Variants in FMN2 observed in about 807,000 individuals in gnomAD.
FMN2 encodes the protein formin 2.
A neutral mutation model predicts 142.3 loss-of-function variants in FMN2; 51 were observed. That is an observed-to-expected ratio of 0.36 (90% CI 0.29 to 0.45). The LOEUF (loss-of-function observed/expected upper bound fraction) is 0.45, where lower values mean the gene tolerates loss of function less well. Among genes scored for constraint, FMN2 ranks in the 20% least tolerant of loss-of-function variants. FMN2 has a pLI of 1.00. For missense variants in FMN2, 1,936 were observed against 2,122.8 expected (o/e 0.91, Z 1.73); for synonymous variants, 882 against 869.8 (o/e 1.01, Z -0.25).
rs9726407 is a variant in FMN2 at position 240,433,152 on chromosome 1, T to C, written c.4911-4909T>C. On this transcript the variant is annotated intron_variant, in intron 15 of 17. Transcript: ENST00000319653. ...TTTTGAAACTGTTTCATTAGATGCG[T>C]ATCTTTATGATTGTTATGTCTTCTT... Among the ~76,000 whole-genome samples, 921 of 152,326 alleles carry C rather than the reference T, an allele frequency of 6.0e-3. 4 individuals are homozygous for C. Among genetic ancestry groups the C allele is most frequent in the South Asian group, 0.012 (60 of 4,830 alleles).
intron 15 of FMN2, among the ~76,000 whole-genome samples, chr1:240,399,345 A>G (rs1673894477): frequency 6.6e-6 from 1 of 152,110 alleles, no homozygotes; most frequent in African/African-American, 2.4e-5. Context: ...ACTGGAAAAA[A>G]CAATATAAAA....
intron 8 of FMN2, among the ~76,000 whole-genome samples, chr1:240,328,564 TTTA>T (rs1349612233): frequency 0.014 from 169 of 12,186 alleles, 1 homozygote; most frequent in East Asian, 0.018. Context: ...CTTTATTTTA[TTTA>T]TTTATTTATT....
chr1:240,241,391 G>T (rs1055881317), intron 6 of FMN2, among the ~76,000 whole-genome samples: 3 of 152,016 alleles, frequency 2.0e-5, no homozygotes, highest in Middle Eastern at 3.2e-3. Context: ...AGTTCCCTTG[G>T]TTTTTTGTTA....
At chr1:240,237,817 C>G (rs1202931556) in intron 6 of FMN2, among the ~76,000 whole-genome samples, 1 of 152,164 alleles carries the variant, frequency 6.6e-6, no homozygotes, top group East Asian at 1.9e-4. Context: ...GTTATACATG[C>G]AGAATTCTAG....
At position 240,413,670 on chromosome 1, in the gene FMN2, C is replaced by T. The variant is rs372253830; in HGVS notation, c.4910+21108C>T. 6.6e-4 allele frequency among the ~76,000 whole-genome samples: 100 copies of T among 152,238 alleles called. 1 individual carries two copies. The South Asian group carries it at 0.016, about 25-fold the overall frequency. ...ACATAGAAACTCAGTCAAAGTGCCCCAGTAGCTTACAATGGTGTCTTCTTG... is the reference window on the plus strand; with the variant it reads ...ACATAGAAACTCAGTCAAAGTGCCCTAGTAGCTTACAATGGTGTCTTCTTG... On this transcript the variant is annotated intron_variant, in intron 15 of 17. Transcript: ENST00000319653.
chr1:240,165,156 G>A (rs1336107158), intron 2 of FMN2, among the ~76,000 whole-genome samples: 1 of 152,024 alleles, frequency 6.6e-6, no homozygotes, highest in Non-Finnish European at 1.5e-5. Flanking sequence ...ATTATTTCTA[G>A]TTATCTGTTG....
intron 15 of FMN2, among the ~76,000 whole-genome samples, chr1:240,428,233 CT>C (rs112012945): frequency 0.083 from 11,887 of 142,674 alleles, 1,477 homozygotes; most frequent in African/African-American, 0.27. Context: ...AACATTTCGC[CT>C]TTTTTTTTTT....
At chr1:240,094,591 C>T (rs1204338163) in intron 1 of FMN2, among the ~76,000 whole-genome samples, 1 of 152,162 alleles carries the variant, frequency 6.6e-6, no homozygotes, top group Non-Finnish European at 1.5e-5. Context: ...TACAGGCTTA[C>T]AGGGCCCAAG....
intron 15 of FMN2, among the ~76,000 whole-genome samples, chr1:240,428,488 A>G (rs1361872147): frequency 6.6e-6 from 1 of 152,064 alleles, no homozygotes; most frequent in African/African-American, 2.4e-5. Flanking sequence ...TGGCATCCTT[A>G]AGTGTTGCAA....
At chr1:240,406,981 C>T (rs971372001) in intron 15 of FMN2, among the ~76,000 whole-genome samples, 8 of 152,094 alleles carry the variant, frequency 5.3e-5, no homozygotes, top group African/African-American at 1.9e-4. Context: ...CCTCGAGAAA[C>T]GTTCGTCGTC....
chr1:240,337,258 G>C (rs1671598815), intron 13 of FMN2, among the ~76,000 whole-genome samples: 1 of 141,108 alleles, frequency 7.1e-6, no homozygotes, highest in South Asian at 2.2e-4. Context: ...ACCCAGGCTG[G>C]AGTGCAGTGG....
intron 15 of FMN2, among the ~76,000 whole-genome samples, chr1:240,431,670 T>A (rs1408848222): frequency 6.6e-6 from 1 of 151,496 alleles, no homozygotes; most frequent in Non-Finnish European, 1.5e-5. Context: ...TTTTTCCTTT[T>A]TGTAATAATA....
intron 1 of FMN2, among the ~76,000 whole-genome samples, chr1:240,097,026 G>A (rs1242931230): frequency 6.6e-6 from 1 of 152,200 alleles, no homozygotes; most frequent in Admixed American, 6.5e-5. Context: ...TATAACAGAA[G>A]CTTGGTACTG....
At chr1:240,339,072 T>C (rs1488554354) in intron 13 of FMN2, among the ~76,000 whole-genome samples, 1 of 152,102 alleles carries the variant, frequency 6.6e-6, no homozygotes, top group Non-Finnish European at 1.5e-5. Context: ...CGGTAATGCT[T>C]GCGATGAGGA....
intron 8 of FMN2, among the ~76,000 whole-genome samples, chr1:240,304,824 C>A (rs1288999665): frequency 7.2e-5 from 11 of 152,134 alleles, no homozygotes; most frequent in Admixed American, 7.2e-4. Context: ...CAGCTGCCTG[C>A]CACAGGGCCG....
At chr1:240,135,567 G>A (rs576200645) in intron 2 of FMN2, among the ~76,000 whole-genome samples, 1 of 152,048 alleles carries the variant, frequency 6.6e-6, no homozygotes, top group East Asian at 1.9e-4. Context: ...GTTAAATTAT[G>A]TCCCCTCTGT....
At chr1:240,287,087 T>C (rs1033352660) in intron 7 of FMN2, among the ~76,000 whole-genome samples, 6 of 152,192 alleles carry the variant, frequency 3.9e-5, no homozygotes, top group Non-Finnish European at 7.4e-5. Flanking sequence ...ATCCCCAAAA[T>C]GTAAAAGTTT....
intron 16 of FMN2, among the ~76,000 whole-genome samples, chr1:240,466,049 T>A (rs961371949): frequency 6.6e-6 from 1 of 152,210 alleles, no homozygotes; most frequent in Non-Finnish European, 1.5e-5. Context: ...TGTCGTTGTT[T>A]AAAATAACCC....
chr1:240,349,708 C>T (rs1427215065), intron 13 of FMN2, among the ~76,000 whole-genome samples: 3 of 152,262 alleles, frequency 2.0e-5, no homozygotes, highest in South Asian at 2.1e-4. Flanking sequence ...ATTTGGAAAC[C>T]TAATGCATGC....
Sources: allele counts gnomAD v4.1 joint callset (sites outside exome capture counted in the v4.1 genomes callset), GRCh38; gene constraint gnomAD v4.1.1; transcripts MANE v1.5; gene names NCBI Gene and HGNC (gene_info 2026-07-23, HGNC 2026-07-21).